SLAIN1: variants seen among roughly 807,000 people sequenced by gnomAD.
SLAIN1 encodes the protein SLAIN motif-containing protein 1.
Under a neutral mutation model 55.4 loss-of-function variants are expected in SLAIN1, and 17 were observed. The ratio of observed to expected loss-of-function variants is 0.31; its 90% CI spans 0.21 to 0.46. The LOEUF (loss-of-function observed/expected upper bound fraction) is 0.46, where lower values mean the gene tolerates loss of function less well. Among genes scored for constraint, SLAIN1 ranks in the 20% least tolerant of loss-of-function variants. The pLI is 1.00. For synonymous variants in SLAIN1, 348 were observed against 337.4 expected (o/e 1.03, Z -0.35); for missense variants, 682 against 785.1 (o/e 0.87, Z 1.57).
Position 77,760,882 on chromosome 13 carries a change from T to G in SLAIN1, c.1469T>G (p.Val490Gly). 1 of 1,614,134 alleles carries G rather than the reference T, an allele frequency of 6.2e-7. No individual in the cohort carries two copies. The highest frequency in any genetic ancestry group is 1.1e-5 in the South Asian group (1 of 91,076). Residue 490 changes from valine (V) to glycine (G), a missense_variant, in exon 6 of 7, where the codon GTG becomes GGG. This residue lies in a region of SLAIN1 where 244 missense variants were observed against 295.2 expected (regional missense o/e 0.83). Transcript: ENST00000418532. Reference sequence around the variant, plus strand: ...GTCCACAGCGTGGGGCATTTCCCAGTGTCTATCCGACAGCCTCTTAAAGCC... The same window carrying G: ...GTCCACAGCGTGGGGCATTTCCCAGGGTCTATCCGACAGCCTCTTAAAGCC... ...HRVHSVGHFP[V>G]SIRQPLKATA...
chr13:77,730,189 C>T (rs1177766970), intron 2 of SLAIN1, among the ~76,000 whole-genome samples: 3 of 152,082 alleles, frequency 2.0e-5, no homozygotes, highest in Non-Finnish European at 4.4e-5. Flanking sequence ...GTCTTCAGGG[C>T]AGTTAAAGAT....
At chr13:77,755,035 A>T (rs1874497144) in intron 5 of SLAIN1, among the ~76,000 whole-genome samples, 1 of 152,230 alleles carries the variant, frequency 6.6e-6, no homozygotes, top group South Asian at 2.1e-4. Context: ...TCAGGAGGTT[A>T]GGAGAATGGG....
intron 1 of SLAIN1, among the ~76,000 whole-genome samples, chr13:77,715,294 G>A (rs1445753899): frequency 6.6e-6 from 1 of 152,148 alleles, no homozygotes; most frequent in Non-Finnish European, 1.5e-5. Flanking sequence ...TATTGTGGGA[G>A]CTGTTAGATT....
chr13:77,742,973 C>T, intron 2 of SLAIN1: 1 of 1,186,772 alleles, frequency 8.4e-7, no homozygotes, highest in Non-Finnish European at 1.1e-6. Flanking sequence ...TCAACATATG[C>T]TTCCATATAG....
chr13:77,698,000 G>A lies in SLAIN1; in HGVS notation c.87G>A (p.Val29=). 6.9e-7 allele frequency: 1 copy of A among 1,440,818 alleles called. No homozygotes were observed. Among genetic ancestry groups the A allele is most frequent in the Non-Finnish European group, 9.2e-7 (1 of 1,087,044 alleles). 89.3% of individuals were successfully genotyped at this position (1,440,818 alleles called of 1,614,324 possible). The change falls in exon 1 of 7, where the codon GTG becomes GTA. Residue 29 remains valine (V), a synonymous_variant. Coordinates refer to ENST00000418532, the MANE Select transcript of SLAIN1 (RefSeq NM_001242868.2). ...SGPVVNAELE[V]KKLQELVRKL... ...CGGTGGTGAACGCGGAGCTGGAGGT[G>A]AAGAAGCTGCAGGAGCTGGTGCGCA...
chr13:77,713,183 T>C (rs2091170460), intron 1 of SLAIN1, among the ~76,000 whole-genome samples: 1 of 152,058 alleles, frequency 6.6e-6, no homozygotes, highest in African/African-American at 2.4e-5. Context: ...CCAAGAGCAA[T>C]GGCAACAAAA....
intron 2 of SLAIN1, among the ~76,000 whole-genome samples, chr13:77,736,792 CT>C (rs1368659388): frequency 2.4e-3 from 349 of 143,370 alleles, no homozygotes; most frequent in Non-Finnish European, 2.3e-3. Flanking sequence ...CTGCATTAGT[CT>C]TTTTTTTTTT....
At chr13:77,758,600 G>T (rs376725210) in intron 5 of SLAIN1, among the ~76,000 whole-genome samples, 11 of 152,188 alleles carry the variant, frequency 7.2e-5, no homozygotes, top group African/African-American at 2.6e-4. Context: ...GTTGATTTTT[G>T]TATAAGGTGA....
rs1009869531 is a variant in SLAIN1, at chr13:77,719,716, C to T, written c.766+45C>T. 5.0e-6 allele frequency: 8 copies of T among 1,591,478 alleles called. No individual in the cohort carries two copies. The African/African-American group carries it at 8.1e-5, about 16-fold the overall frequency. On this transcript the variant is annotated intron_variant, in intron 2 of 6. Transcript: ENST00000418532. ...TTTACATTCTCCAACTCTTGTCACT[C>T]TCAGTGCTGCTTTTGTTGCTGGTTT... is the stretch of plus-strand genomic sequence containing the variant.
intron 1 of SLAIN1, among the ~76,000 whole-genome samples, chr13:77,712,450 C>T (rs2091161947): frequency 6.6e-6 from 1 of 152,132 alleles, no homozygotes; most frequent in Admixed American, 6.5e-5. Flanking sequence ...CATGAGTGAA[C>T]TCCCATTCAC....
At position 77,763,108 on chromosome 13, in the gene SLAIN1, A is replaced by G. The variant is rs376367572; in HGVS notation, c.1698-37A>G. ...GAGTGATGTGACTCATAGGATTATT[A>G]ACAATCTCTCTCTCTGTTTTTCTTG... On this transcript the variant is annotated intron_variant, in intron 6 of 6. Transcript: ENST00000418532. 4 of 1,560,140 alleles carry G rather than the reference A, an allele frequency of 2.6e-6. No individual in the cohort carries two copies. The African/African-American group carries it at 5.4e-5, about 21-fold the overall frequency.
Position 77,698,271 on chromosome 13 carries a change from C to G in SLAIN1, c.358C>G (p.Pro120Ala). 7.0e-7 allele frequency: 1 copy of G among 1,421,612 alleles called. No individual in the cohort carries two copies. Among genetic ancestry groups the G allele is most frequent in the East Asian group, 3.2e-5 (1 of 31,436 alleles). 88.1% of individuals were successfully genotyped at this position (1,421,612 alleles called of 1,614,324 possible). A position where few individuals can be genotyped will look rare whatever the true frequency, so the allele number is the denominator to read the frequency against. Residue 120 changes from proline (P) to alanine (A), a missense_variant, in exon 1 of 7, where the codon CCC becomes GCC. Coordinates refer to ENST00000418532, the MANE Select transcript of SLAIN1 (RefSeq NM_001242868.2). This position sits in a 1 kb window ranked among gnomAD's most constrained non-coding sequence, Gnocchi z 4.1. ...SGSGSGGGSS[P>A]AFPGTFCLPS... ...TAGTGGCAGCGGCGGTGGCTCCAGC[C>G]CCGCGTTCCCGGGCACCTTCTGCCT...
At chr13:77,744,572 G>A in intron 3 of SLAIN1, 140 bp downstream of exon 3, 1 of 1,342,448 alleles carries the variant, frequency 7.4e-7, no homozygotes, top group East Asian at 2.5e-5. Context: ...TTTAGGTGGA[G>A]CCAGTTATAT....
intron 4 of SLAIN1, 89 bp from the exon 5 acceptor site, chr13:77,753,114 A>C: frequency 8.5e-7 from 1 of 1,172,350 alleles, no homozygotes; most frequent in Non-Finnish European, 1.2e-6. Flanking sequence ...ATTATTGAGC[A>C]CAATATGACT....
intron 2 of SLAIN1, among the ~76,000 whole-genome samples, chr13:77,738,201 C>T (rs1594279168): frequency 6.8e-6 from 1 of 147,822 alleles, no homozygotes; most frequent in African/African-American, 2.5e-5. Context: ...CACACCCACA[C>T]ACACACACAC....
intron 4 of SLAIN1, among the ~76,000 whole-genome samples, chr13:77,747,766 G>C (rs1873937185): frequency 6.6e-6 from 1 of 152,138 alleles, no homozygotes. Context: ...ATGGGAAATT[G>C]ATCTGTCTTG....
chr13:77,744,841 C>T (rs1873706773), intron 3 of SLAIN1, among the ~76,000 whole-genome samples: 1 of 152,060 alleles, frequency 6.6e-6, no homozygotes, highest in African/African-American at 2.4e-5. Flanking sequence ...AGAAGGCCTT[C>T]AGTGGGTAAA....
chr13:77,729,428 T>C (rs867749532), intron 2 of SLAIN1, among the ~76,000 whole-genome samples: 7 of 152,152 alleles, frequency 4.6e-5, no homozygotes, highest in Non-Finnish European at 8.8e-5. Flanking sequence ...CAATAGAGAT[T>C]CTCCCAAAGT....
chr13:77,719,468 C>T, intron 1 of SLAIN1, 64 bp from the exon 2 acceptor site: 2 of 1,171,812 alleles, frequency 1.7e-6, no homozygotes, highest in Non-Finnish European at 2.4e-6. Context: ...ATGTTGCTTT[C>T]CCCAGAGAGA....
Sources: allele counts gnomAD v4.1 joint callset (sites outside exome capture counted in the v4.1 genomes callset), GRCh38; gene constraint gnomAD v4.1.1; regional missense constraint gnomAD v4.1.1; non-coding constraint Gnocchi (gnomAD v3.1); transcripts MANE v1.5; gene names NCBI Gene and HGNC (gene_info 2026-07-23, HGNC 2026-07-21).